PCNX1: variants seen among roughly 807,000 people sequenced by gnomAD.
PCNX1 encodes the protein pecanex 1.
Under a neutral mutation model 242.2 loss-of-function variants are expected in PCNX1, and 78 were observed. The ratio of observed to expected loss-of-function variants is 0.32; its 90% CI spans 0.27 to 0.39. The LOEUF is 0.39. Ranked by LOEUF, PCNX1 falls within the 10% of genes least tolerant of loss-of-function variation. PCNX1 has a pLI of 1.00. For synonymous variants in PCNX1, 1,024 were observed against 1,032.9 expected, an observed-to-expected ratio of 0.99 and a Z score of 0.17; for missense variants, 2,581 against 2,856.5, an observed-to-expected ratio of 0.90 and a Z score of 2.20.
chr14:70,999,446 T>A (rs373536977), intron 8 of PCNX1, among the ~76,000 whole-genome samples: 1 of 152,172 alleles, frequency 6.6e-6, no homozygotes, highest in Non-Finnish European at 1.5e-5. Context: ...ACTGTTACAA[T>A]GTTGACAAGA....
chr14:71,074,833 C>T (rs2061672704), intron 27 of PCNX1, among the ~76,000 whole-genome samples: 1 of 152,048 alleles, frequency 6.6e-6, no homozygotes, highest in South Asian at 2.1e-4. Flanking sequence ...TCCTTTACTG[C>T]ACAAGATACT....
chr14:71,077,797 G>A (rs950969152), intron 28 of PCNX1, among the ~76,000 whole-genome samples: 14 of 152,162 alleles, frequency 9.2e-5, no homozygotes, highest in South Asian at 4.2e-4. Context: ...AATACTTCGC[G>A]TACTGTTCTC....
At chr14:70,957,159 G>T (rs1468362631) in intron 2 of PCNX1, among the ~76,000 whole-genome samples, 1 of 151,898 alleles carries the variant, frequency 6.6e-6, no homozygotes, top group Non-Finnish European at 1.5e-5. Context: ...CCACACTTGG[G>T]TAATGTTTTT....
At chr14:70,954,587 T>C (rs757042358) in intron 2 of PCNX1, among the ~76,000 whole-genome samples, 4 of 152,188 alleles carry the variant, frequency 2.6e-5, no homozygotes, top group Admixed American at 6.5e-5. Flanking sequence ...AAAAGGAAAT[T>C]TATGATTTTA....
intron 8 of PCNX1, among the ~76,000 whole-genome samples, chr14:71,008,682 A>AT (rs2059738051): frequency 6.7e-6 from 1 of 149,100 alleles, no homozygotes; most frequent in Non-Finnish European, 1.5e-5. Flanking sequence ...AAAAAAAAAA[A>AT]GGGATTCCTG....
chr14:71,101,861 T>C (rs2062470789), intron 30 of PCNX1, 129 bp from the exon 31 acceptor site: 1 of 505,702 alleles, frequency 2.0e-6, no homozygotes, highest in African/African-American at 2.1e-5. Flanking sequence ...ATAATTTATC[T>C]CTAATAATAT....
At chr14:71,088,522 G>A (rs1051438122) in intron 29 of PCNX1, 92 bp downstream of exon 29, 17 of 676,072 alleles carry the variant, frequency 2.5e-5, no homozygotes, top group African/African-American at 2.1e-4. Flanking sequence ...TGTATTCTAT[G>A]CTAATTTATT....
At chr14:70,958,331 A>T (rs2058069436) in intron 2 of PCNX1, among the ~76,000 whole-genome samples, 1 of 152,198 alleles carries the variant, frequency 6.6e-6, no homozygotes, top group Non-Finnish European at 1.5e-5. Flanking sequence ...ATTATGAGAT[A>T]ATTGATAATA....
chr14:70,926,882 C>T (rs1189882853), intron 1 of PCNX1, among the ~76,000 whole-genome samples: 1 of 152,086 alleles, frequency 6.6e-6, no homozygotes, highest in East Asian at 1.9e-4. Flanking sequence ...GAAAAGGCTA[C>T]TTAGGAGGAC....
intron 6 of PCNX1, among the ~76,000 whole-genome samples, chr14:70,984,015 C>A (rs543253632): frequency 6.6e-6 from 1 of 151,142 alleles, no homozygotes; most frequent in African/African-American, 2.4e-5. Context: ...GGGTAAAATC[C>A]CTTTTATCCT....
intron 5 of PCNX1, 54 bp downstream of exon 5, chr14:70,969,164 TTTGTAGAATA>T: frequency 1.0e-6 from 1 of 998,358 alleles, no homozygotes; most frequent in Non-Finnish European, 1.6e-6. Flanking sequence ...CCAGAGTTAA[TTTGTAGAATA>T]TGCTGCATAC....
At chr14:70,938,141 G>T (rs938855021) in intron 1 of PCNX1, among the ~76,000 whole-genome samples, 7 of 152,016 alleles carry the variant, frequency 4.6e-5, no homozygotes, top group Non-Finnish European at 7.4e-5. Flanking sequence ...CTGCCTGATT[G>T]CCCTGGCCAG....
chr14:71,007,499 T>G (rs2059700201), intron 8 of PCNX1, among the ~76,000 whole-genome samples: 1 of 152,172 alleles, frequency 6.6e-6, no homozygotes, highest in Non-Finnish European at 1.5e-5. Context: ...CTAAAATATG[T>G]ATAAATTATG....
intron 6 of PCNX1, among the ~76,000 whole-genome samples, chr14:70,987,907 C>T (rs1457929394): frequency 6.6e-6 from 1 of 152,084 alleles, no homozygotes; most frequent in Non-Finnish European, 1.5e-5. Context: ...TATTTGCTTC[C>T]TAAAGTTGAG....
chr14:70,947,072 A>C lies in PCNX1; in HGVS notation c.311A>C (p.Lys104Thr), dbSNP rs775876930. ...AATGAGTTCACGGATCAGCGAACCA[A>C]AGCTGAACAAGGCAACTGTTCAACC... ...TANEFTDQRT[K>T]AEQGNCSTRR... The change falls in exon 2 of 36, where the codon AAA becomes ACA. Residue 104 changes from lysine to threonine, a missense_variant. Lys to Thr is a moderately conservative substitution (Grantham distance 78, BLOSUM62 -1). Around this residue, in one of 9 missense-constraint regions of PCNX1, gnomAD observed 1,204 missense variants for 1,216.7 expected, o/e 0.99. Transcript: ENST00000304743. 1 of 1,613,524 alleles carries C rather than the reference A, an allele frequency of 6.2e-7. No individual in the cohort carries two copies. Among genetic ancestry groups the C allele is most frequent in the Non-Finnish European group, 8.5e-7 (1 of 1,179,760 alleles).
chr14:71,071,415 ATG>A (rs2061583776), intron 26 of PCNX1, among the ~76,000 whole-genome samples: 1 of 152,096 alleles, frequency 6.6e-6, no homozygotes, highest in African/African-American at 2.4e-5. Flanking sequence ...CCCAAATCTC[ATG>A]TTGAATTGTA....
intron 8 of PCNX1, among the ~76,000 whole-genome samples, chr14:71,003,147 A>G (rs1036218344): frequency 4.5e-5 from 6 of 134,498 alleles, no homozygotes; most frequent in African/African-American, 1.7e-4. Context: ...GCAGTGATGC[A>G]ATCTCAGCTC....
In PCNX1 at chr14:70,959,335, C is replaced by T. The variant is rs373808898; in HGVS notation, c.363-2891C>T. Among the ~76,000 whole-genome samples, 208 of 148,448 alleles carry T rather than the reference C, an allele frequency of 1.4e-3. 4 individuals carry two copies. In the South Asian group the frequency reaches 0.044, roughly 31 times the overall value. ...TGCTGGTGAGCTGCACCCATTAACTCGTCATTTAGCATTAGGTATATCTTC... is the reference window on the plus strand; with the variant it reads ...TGCTGGTGAGCTGCACCCATTAACTTGTCATTTAGCATTAGGTATATCTTC... On this transcript the variant is annotated intron_variant, in intron 2 of 35. Coordinates refer to ENST00000304743, the MANE Select transcript of PCNX1 (RefSeq NM_014982.3).
intron 8 of PCNX1, among the ~76,000 whole-genome samples, chr14:71,008,378 CG>C (rs1402660567): frequency 9.9e-5 from 15 of 151,998 alleles, no homozygotes; most frequent in Non-Finnish European, 1.5e-5. Flanking sequence ...CTGTTTTGGC[CG>C]GGCGCAGTGG....
Sources: gnomAD v4.1 joint callset for allele counts (sites outside exome capture counted in the v4.1 genomes callset) on GRCh38, gnomAD v4.1.1 for gene constraint, gnomAD v4.1.1 regional missense constraint, MANE v1.5 for transcripts, NCBI Gene and HGNC (gene_info 2026-07-23, HGNC 2026-07-21) for gene names.